Variants in METTL21A observed in about 807,000 individuals in gnomAD.
METTL21A encodes methyltransferase 21A, HSPA lysine.
A neutral mutation model predicts 20.9 loss-of-function variants in METTL21A; 22 were observed. The ratio of observed to expected loss-of-function variants is 1.05; its 90% CI spans 0.75 to 1.50. The LOEUF (loss-of-function observed/expected upper bound fraction) is 1.50, where lower values mean the gene tolerates loss of function less well. Ranked by LOEUF, METTL21A falls within the 40% of genes most tolerant of loss-of-function variation. The pLI is 0.00. For synonymous variants in METTL21A, 93 were observed against 102.0 expected, an observed-to-expected ratio of 0.91 and a Z score of 0.53; for missense variants, 271 against 266.8, an observed-to-expected ratio of 1.02 and a Z score of -0.11.
chr2:207,595,984 A>G (rs1448806524), intron 3 of METTL21A, among the ~76,000 whole-genome samples: 1 of 152,130 alleles, frequency 6.6e-6, no homozygotes, highest in African/African-American at 2.4e-5. Context: ...TTAGTTGGAT[A>G]TAGTCCTATT....
chr2:207,604,759 T>A (rs185392351), downstream of METTL21A, among the ~76,000 whole-genome samples: 136 of 152,330 alleles, frequency 8.9e-4, no homozygotes, highest in Admixed American at 1.4e-3. Context: ...ACCGCCCTTG[T>A]CCCTGGCAAC....
chr2:207,617,467 C>CATCCAAGG (rs1247717380), intron 3 of METTL21A, among the ~76,000 whole-genome samples: 2 of 152,194 alleles, frequency 1.3e-5, no homozygotes, highest in East Asian at 3.8e-4. Context: ...GAAGAAAGGG[C>CATCCAAGG]ATCCAAGGCA....
At chr2:207,613,128 G>A (rs2551949) in exon 4 of METTL21A, 1,346,755 of 1,611,878 alleles carry the variant, frequency 0.84, 564,393 homozygotes, top group East Asian at 1. Context: ...CTTTCTCACA[G>A]TAAATTGCCT....
intron 3 of METTL21A, among the ~76,000 whole-genome samples, chr2:207,584,251 C>G (rs1222255675): frequency 2.6e-5 from 4 of 152,174 alleles, no homozygotes; most frequent in African/African-American, 9.7e-5. Context: ...TCCAAAATGG[C>G]TGTACCATTT....
At chr2:207,604,554 A>T (rs2087743128), downstream of METTL21A, among the ~76,000 whole-genome samples, 1 of 152,254 alleles carries the variant, frequency 6.6e-6, no homozygotes, top group South Asian at 2.1e-4. Context: ...TCAAATGGAA[A>T]GGAAGGATAA....
In METTL21A at chr2:207,587,081, C is replaced by T. The variant is rs183536112; in HGVS notation, c.260-4921G>A. On this transcript the variant is annotated intron_variant, in intron 3 of 3. Transcript: ENST00000425132. ...ACATTAATGCAGCCATTACGGAAAA[C>T]GGTGTGGAGGTTTCTCAAAAAAACT... is the stretch of plus-strand genomic sequence containing the variant. Among the ~76,000 whole-genome samples the T allele has an allele frequency of 5.3e-5, 8 of 152,162 alleles. No individual in the cohort carries two copies. In the South Asian group the frequency reaches 6.2e-4, roughly 12 times the overall value.
chr2:207,596,893 CCCGT>C (rs745624089), intron 3 of METTL21A: 13 of 1,587,174 alleles, frequency 8.2e-6, no homozygotes, highest in Non-Finnish European at 1.1e-5. Flanking sequence ...CATAATTTTT[CCCGT>C]CCTCTTTTGC....
intron 3 of METTL21A, among the ~76,000 whole-genome samples, chr2:207,595,329 C>A (rs1226518484): frequency 6.6e-6 from 1 of 151,934 alleles, no homozygotes; most frequent in African/African-American, 2.4e-5. Context: ...ATTTATATAT[C>A]TCTGGAGAAA....
At chr2:207,606,603 C>T (rs1559103442), downstream of METTL21A, among the ~76,000 whole-genome samples, 1 of 152,184 alleles carries the variant, frequency 6.6e-6, no homozygotes, top group Admixed American at 6.5e-5. Flanking sequence ...TCTATACTCA[C>T]TGTACTTACC....
chr2:207,600,837 A>T (rs748908971), intron 3 of METTL21A: 7 of 206,272 alleles, frequency 3.4e-5, no homozygotes, highest in Non-Finnish European at 5.9e-5. Context: ...TTGGGGTGAC[A>T]TGTGGAATCA....
chr2:207,599,316 GAATT>G (rs889031190), intron 3 of METTL21A: 1 of 206,002 alleles, frequency 4.9e-6, no homozygotes, highest in African/African-American at 2.3e-5. Flanking sequence ...TCACAAGTTG[GAATT>G]ATTTATTGAG....
At chr2:207,599,770 CAT>C (rs1451241348) in intron 3 of METTL21A, 1 of 195,494 alleles carries the variant, frequency 5.1e-6, no homozygotes, top group Non-Finnish European at 1.1e-5. Flanking sequence ...AAGAAAATGA[CAT>C]AATTTTTAAA....
intron 3 of METTL21A, among the ~76,000 whole-genome samples, chr2:207,588,237 C>T (rs1412899387): frequency 6.6e-6 from 1 of 152,110 alleles, no homozygotes; most frequent in Non-Finnish European, 1.5e-5. Context: ...GAGGATGTGT[C>T]GAGATCCATT....
intron 3 of METTL21A, among the ~76,000 whole-genome samples, chr2:207,590,063 G>A (rs2084673711): frequency 6.9e-6 from 1 of 145,796 alleles, no homozygotes; most frequent in Non-Finnish European, 1.5e-5. Context: ...ACATAGGCCT[G>A]GAGTTTTCTA....
At chr2:207,618,330 G>GT (rs1200111261) in intron 3 of METTL21A, among the ~76,000 whole-genome samples, 1 of 152,126 alleles carries the variant, frequency 6.6e-6, no homozygotes, top group Non-Finnish European at 1.5e-5. Flanking sequence ...ACCACAGATA[G>GT]TAACAAACCC....
chr2:207,624,648 C>A, intron 1 of METTL21A: 1 of 303,296 alleles, frequency 3.3e-6, no homozygotes, highest in South Asian at 4.4e-5. Flanking sequence ...TTCCAACTTC[C>A]GCAGAATACC....
chr2:207,586,327 C>T (rs1295916775), intron 3 of METTL21A, among the ~76,000 whole-genome samples: 1 of 152,156 alleles, frequency 6.6e-6, no homozygotes, highest in Non-Finnish European at 1.5e-5. Context: ...GGAAAGGACA[C>T]TCTCTTCAAT....
At chr2:207,601,451 G>C (rs945678380) in intron 3 of METTL21A, 2 of 190,888 alleles carry the variant, frequency 1.0e-5, no homozygotes, top group Admixed American at 6.1e-5. Context: ...CAGGAAATTA[G>C]ATATGACTAG....
intron 3 of METTL21A, chr2:207,602,492 GC>G (rs1018916412): frequency 3.4e-5 from 7 of 204,442 alleles, no homozygotes; most frequent in African/African-American, 1.4e-4. Context: ...AACATTACTT[GC>G]CTATAGAAGT....
Sources: gnomAD v4.1 joint callset for allele counts (sites outside exome capture counted in the v4.1 genomes callset) on GRCh38, gnomAD v4.1.1 for gene constraint, MANE v1.5 for transcripts, NCBI Gene and HGNC (gene_info 2026-07-23, HGNC 2026-07-21) for gene names.